MYO1F: variants seen among roughly 807,000 people sequenced by gnomAD.
MYO1F encodes the protein unconventional myosin-If.
MYO1F carries 60 observed loss-of-function variants against 146.6 expected under a neutral mutation model. The observed-to-expected ratio is 0.41, with a 90% confidence interval of 0.33 to 0.51. MYO1F has a LOEUF of 0.51. Among genes scored for constraint, MYO1F ranks in the 20% least tolerant of loss-of-function variants. The pLI is 0.25. For missense variants in MYO1F, 1,274 were observed against 1,534.3 expected, an observed-to-expected ratio of 0.83 and a Z score of 2.83; for synonymous variants, 602 against 602.1, an observed-to-expected ratio of 1.00 and a Z score of 0.00.
At chr19:8,544,157 G>A (rs1973230014) in intron 14 of MYO1F, 140 bp downstream of exon 14, 1 of 923,420 alleles carries the variant, frequency 1.1e-6, no homozygotes, top group Admixed American at 1.9e-5. Flanking sequence ...GATTGAGGCG[G>A]GGGACAGTGG....
intron 1 of MYO1F, among the ~76,000 whole-genome samples, chr19:8,567,144 C>T (rs1289424338): frequency 6.6e-6 from 1 of 151,282 alleles, no homozygotes; most frequent in Non-Finnish European, 1.5e-5. Context: ...TTACTGCAAC[C>T]TCCGTCTCCC....
intron 1 of MYO1F, among the ~76,000 whole-genome samples, chr19:8,571,958 C>T (rs891191199): frequency 2.0e-5 from 3 of 152,120 alleles, no homozygotes; most frequent in African/African-American, 4.8e-5. Flanking sequence ...CTCCTGACTT[C>T]GTGATCCGCA....
At position 8,541,893 on chromosome 19, in the gene MYO1F, T is replaced by A; in HGVS notation, c.1610+13A>T. ...GGTTGTAGCCGGAGGTCCCCATGCC[T>A]GGGACCACTCACTGCTCACTGGTCT... On this transcript the variant is annotated intron_variant, in intron 15 of 27. Transcript: ENST00000644032. The A allele has an allele frequency of 6.2e-7, 1 of 1,609,640 alleles. No homozygotes were observed.
At chr19:8,529,363 C>T (rs1051723077) in intron 21 of MYO1F, among the ~76,000 whole-genome samples, 1 of 152,068 alleles carries the variant, frequency 6.6e-6, no homozygotes, top group African/African-American at 2.4e-5. Flanking sequence ...CTGGGTGTAC[C>T]TGTGGACAGG....
chr19:8,549,803 C>A, intron 10 of MYO1F: 1 of 330,380 alleles, frequency 3.0e-6, no homozygotes, highest in South Asian at 2.9e-5. Context: ...CTGCATCTGG[C>A]CAAAAGTTTT....
Position 8,544,445 on chromosome 19 carries a change from C to T in MYO1F, c.1376G>A (p.Ser459Asn). ...GGTGGCGCACACGTCGTCCAAGACG[C>T]TCATGATGCCTGGGGGGCTCTGCGG... ...ENKLSPPGIM[S>N]VLDDVCATMH... Residue 459 changes from serine (S) to asparagine (N), a missense_variant, in exon 14 of 28, where the codon AGC becomes AAC. Transcript: ENST00000644032. 1 of 1,611,128 alleles carries T rather than the reference C, an allele frequency of 6.2e-7. No homozygotes were observed. The highest frequency in any genetic ancestry group is 8.5e-7 in the Non-Finnish European group (1 of 1,179,750).
chr19:8,553,449 T>G lies in MYO1F; in HGVS notation c.327-12A>C. ...CTCCACTCTCTCCACTGGGGATGAA[T>G]GGAGGAATAAATGATCAGTGGTTGG... On this transcript the variant is annotated splice_polypyrimidine_tract_variant and intron_variant, in intron 4 of 27. Coordinates refer to ENST00000644032, the MANE Select transcript of MYO1F (RefSeq NM_012335.4). The G allele has an allele frequency of 6.2e-7, 1 of 1,611,260 alleles. No homozygotes were observed.
chr19:8,522,361 GC>G lies in MYO1F; in HGVS notation c.3220+15del, dbSNP rs1275514515. 3 of 1,613,648 alleles carry G rather than the reference GC, an allele frequency of 1.9e-6. No individual in the cohort carries two copies. Among genetic ancestry groups the G allele is most frequent in the Non-Finnish European group, 1.7e-6 (2 of 1,179,980 alleles). On this transcript the variant is annotated intron_variant, in intron 27 of 27. Coordinates refer to ENST00000644032, the MANE Select transcript of MYO1F (RefSeq NM_012335.4). ...TACCACTCCCCTCACCCCAGCTTCTGCCCTGGTACACACACCTTCCATGAGG... is the reference window on the plus strand; with the variant it reads ...TACCACTCCCCTCACCCCAGCTTCTGCCTGGTACACACACCTTCCATGAGG...
intron 12 of MYO1F, 110 bp downstream of exon 12, chr19:8,547,926 G>C: frequency 9.7e-7 from 1 of 1,035,438 alleles, no homozygotes. Context: ...AGAGAGGTGG[G>C]AACGCGGTGG....
chr19:8,541,425 G>GTTTT (rs4040643), intron 15 of MYO1F, among the ~76,000 whole-genome samples: 7 of 87,916 alleles, frequency 8.0e-5, no homozygotes, highest in Admixed American at 1.3e-4. Context: ...GTGTGTGTGT[G>GTTTT]TTTTTTTTTT....
chr19:8,560,275 G>A (rs2145944982), intron 1 of MYO1F, among the ~76,000 whole-genome samples: 1 of 152,066 alleles, frequency 6.6e-6, no homozygotes, highest in Non-Finnish European at 1.5e-5. Flanking sequence ...ATGAGGTCAG[G>A]AGATCGAGAC....
intron 5 of MYO1F, 47 bp downstream of exon 5, chr19:8,553,303 T>C (rs1973693461): frequency 1.2e-6 from 2 of 1,610,886 alleles, no homozygotes; most frequent in African/African-American, 1.3e-5. Flanking sequence ...TGCACTACCA[T>C]GCAGGTGAGG....
intron 23 of MYO1F, 43 bp downstream of exon 23, chr19:8,526,746 C>T (rs896664910): frequency 1.3e-6 from 2 of 1,567,964 alleles, no homozygotes; most frequent in Non-Finnish European, 1.7e-6. Flanking sequence ...GTGCGCCGCG[C>T]CGAGACCACC....
chr19:8,522,205 G>A (rs887884176), intron 27 of MYO1F, among the ~76,000 whole-genome samples, 172 bp downstream of exon 27: 4 of 152,030 alleles, frequency 2.6e-5, no homozygotes, highest in African/African-American at 4.8e-5. Context: ...TGTATTTTTA[G>A]TAGAGACGGG....
rs1277194138 is a variant in MYO1F, at chr19:8,536,542, C to T, written c.1855G>A (p.Ala619Thr). ...AACTGGCGGCGGTAGGCGAAGCCGGCTCTGCGCACCCTGATGTTCTCCTTC... is the reference window on the plus strand; with the variant it reads ...AACTGGCGGCGGTAGGCGAAGCCGGTTCTGCGCACCCTGATGTTCTCCTTC... ...GLKENIRVRRAGFAYRRQFAK... is the reference protein window; with the variant it reads ...GLKENIRVRRTGFAYRRQFAK... Residue 619 changes from alanine to threonine, a missense_variant, in exon 18 of 28, where the codon GCC becomes ACC. By Grantham distance (58) the Ala-to-Thr change is moderately conservative. Transcript: ENST00000644032. 26 of 1,612,210 alleles carry T rather than the reference C, an allele frequency of 1.6e-5. No homozygotes were observed. Among genetic ancestry groups the T allele is most frequent in the Non-Finnish European group, 2.1e-5 (25 of 1,179,726 alleles).
chr19:8,537,101 A>C, intron 16 of MYO1F, 46 bp from the exon 17 acceptor site: 1 of 1,306,756 alleles, frequency 7.7e-7, no homozygotes, highest in Non-Finnish European at 1.1e-6. Context: ...CAGAGATGGG[A>C]CCCTCTGGCC....
At chr19:8,535,633 G>T (rs1390624704) in intron 19 of MYO1F, among the ~76,000 whole-genome samples, 2 of 151,684 alleles carry the variant, frequency 1.3e-5, no homozygotes, top group East Asian at 3.9e-4. Flanking sequence ...ATTTCTTCCA[G>T]AGTGTCTCTC....
At chr19:8,554,625 C>T (rs768487934) in intron 3 of MYO1F, 29 bp downstream of exon 3, 2 of 1,612,364 alleles carry the variant, frequency 1.2e-6, no homozygotes, top group African/African-American at 2.7e-5. Context: ...AGTCTGGGGG[C>T]TGTGCCTCCC....
intron 1 of MYO1F, among the ~76,000 whole-genome samples, chr19:8,575,990 C>T (rs2042232683): frequency 6.6e-6 from 1 of 152,078 alleles, no homozygotes; most frequent in African/African-American, 2.4e-5. Context: ...CCGGGATGCC[C>T]AATTTCTCAT....
Sources: allele counts gnomAD v4.1 joint callset (sites outside exome capture counted in the v4.1 genomes callset), GRCh38; gene constraint gnomAD v4.1.1; transcripts MANE v1.5; gene names NCBI Gene and HGNC (gene_info 2026-07-23, HGNC 2026-07-21).